Variants in MCCC2 observed in about 807,000 individuals in gnomAD.
MCCC2 encodes the protein methylcrotonyl-CoA carboxylase subunit 2.
In MCCC2, 52 loss-of-function variants were observed where a neutral mutation model predicts 77.2. That is an observed-to-expected ratio of 0.67 (90% CI 0.54 to 0.85). The LOEUF is 0.85. MCCC2 is among the 40% of genes least tolerant of loss of function. The pLI is 0.00. For synonymous variants in MCCC2, 253 were observed against 248.4 expected (o/e 1.02, Z -0.18); for missense variants, 682 against 703.2 (o/e 0.97, Z 0.34).
intron 3 of MCCC2, 100 bp from the exon 4 acceptor site, chr5:71,599,559 T>G: frequency 1.1e-6 from 1 of 876,718 alleles, no homozygotes; most frequent in Non-Finnish European, 1.9e-6. Flanking sequence ...TTTGAAATAT[T>G]GTCCCATTGA....
At chr5:71,620,497 G>T (rs879501842) in intron 6 of MCCC2, among the ~76,000 whole-genome samples, 6 of 152,048 alleles carry the variant, frequency 3.9e-5, no homozygotes, top group Admixed American at 2.6e-4. Context: ...CTACAATTTT[G>T]CAGGGAGGAA....
At chr5:71,613,035 C>T (rs1427622249) in intron 6 of MCCC2, among the ~76,000 whole-genome samples, 1 of 152,200 alleles carries the variant, frequency 6.6e-6, no homozygotes, top group Non-Finnish European at 1.5e-5. Flanking sequence ...TACCTCCCTC[C>T]CATGTCTGCC....
rs570679275 is a variant in MCCC2 at position 71,588,968 on chromosome 5, T to C, written c.129+1414T>C. On this transcript the variant is annotated intron_variant, in intron 1 of 16. Transcript: ENST00000340941. ...AAAATATTTAAGTAGATAAGTGGCATGATCCTATGGATATGGTAGAATCAT... is the reference window on the plus strand; with the variant it reads ...AAAATATTTAAGTAGATAAGTGGCACGATCCTATGGATATGGTAGAATCAT... 3.3e-5 allele frequency among the ~76,000 whole-genome samples: 5 copies of C among 152,318 alleles called. No individual in the cohort carries two copies. The South Asian group carries it at 1.0e-3, about 32-fold the overall frequency.
At chr5:71,636,843 A>C (rs534481334) in intron 10 of MCCC2, 3 of 150,902 alleles carry the variant, frequency 2.0e-5, no homozygotes, top group East Asian at 4.0e-4. Context: ...TCCCAGGTTC[A>C]AGCGATTCTC....
chr5:71,618,637 C>T (rs1319274145), intron 6 of MCCC2, among the ~76,000 whole-genome samples: 1 of 151,860 alleles, frequency 6.6e-6, no homozygotes, highest in Admixed American at 6.6e-5. Context: ...CCTCCCACCT[C>T]AGCTTCCCAA....
intron 6 of MCCC2, among the ~76,000 whole-genome samples, chr5:71,614,104 C>T (rs1050372247): frequency 1.5e-4 from 22 of 149,100 alleles, no homozygotes; most frequent in African/African-American, 3.5e-4. Flanking sequence ...TTTCTATTTC[C>T]CTTAAATAGG....
Position 71,599,760 on chromosome 5 carries a change from G to C in MCCC2, c.383G>C (p.Gly128Ala). 6.2e-7 allele frequency: 1 copy of C among 1,611,828 alleles called. No homozygotes were observed. The highest frequency in any genetic ancestry group is 8.5e-7 in the Non-Finnish European group (1 of 1,177,920). ...GIITGIGRVS[G>A]VECMIIANDA... ...ATTACAGGCATTGGAAGAGTATCAG[G>C]GTGAGTATTCTACTTGTGCTTCATA... Residue 128 changes from glycine (G) to alanine (A), a missense_variant and splice_region_variant, in exon 4 of 17, where the codon GGA becomes GCA. By Grantham distance (60) the Gly-to-Ala change is moderately conservative (BLOSUM62 0). Coordinates refer to ENST00000340941, the MANE Select transcript of MCCC2 (RefSeq NM_022132.5).
At chr5:71,590,574 T>C (rs898648496) in intron 1 of MCCC2, among the ~76,000 whole-genome samples, 6 of 152,182 alleles carry the variant, frequency 3.9e-5, no homozygotes, top group African/African-American at 1.4e-4. Context: ...CCTAGCGCTT[T>C]GGGAGGCCGA....
At chr5:71,593,091 T>A (rs13173723) in intron 2 of MCCC2, 99 bp downstream of exon 2, 38,555 of 430,962 alleles carry the variant, frequency 0.089, 82 homozygotes, top group East Asian at 0.2. Context: ...CTTTTGATAT[T>A]TTTTTTTTTT....
At chr5:71,611,811 T>G (rs1580295346) in intron 6 of MCCC2, among the ~76,000 whole-genome samples, 1 of 150,534 alleles carries the variant, frequency 6.6e-6, no homozygotes, top group East Asian at 1.9e-4. Flanking sequence ...TTTTTTGAGA[T>G]GGAGTCTTGC....
chr5:71,646,298 G>T, intron 13 of MCCC2, 21 bp downstream of exon 13: 3 of 1,609,240 alleles, frequency 1.9e-6, no homozygotes, highest in Non-Finnish European at 2.6e-6. Context: ...AGCTTAATCA[G>T]TTTGGTTGTA....
At chr5:71,596,133 G>A (rs1745177411) in intron 2 of MCCC2, 147 bp from the exon 3 acceptor site, 1 of 738,916 alleles carries the variant, frequency 1.4e-6, no homozygotes, top group Non-Finnish European at 2.3e-6. Context: ...CAACTTGTAA[G>A]TTGAGTGAAT....
intron 15 of MCCC2, among the ~76,000 whole-genome samples, chr5:71,651,363 C>CCCT: frequency 6.6e-6 from 1 of 152,174 alleles, no homozygotes; most frequent in African/African-American, 2.4e-5. Flanking sequence ...GATCAGCAAG[C>CCCT]GGCTGCTTTT....
At chr5:71,642,748 G>C (rs1747161362) in intron 11 of MCCC2, among the ~76,000 whole-genome samples, 1 of 152,212 alleles carries the variant, frequency 6.6e-6, no homozygotes, top group Non-Finnish European at 1.5e-5. Context: ...GTGCCATTTA[G>C]GATGTACTGC....
chr5:71,612,065 A>G (rs1295915597), intron 6 of MCCC2, among the ~76,000 whole-genome samples: 1 of 152,030 alleles, frequency 6.6e-6, no homozygotes, highest in African/African-American at 2.4e-5. Flanking sequence ...CGGCCTCCCA[A>G]AGTGCTGGGA....
At chr5:71,597,367 T>G (rs761171589) in intron 3 of MCCC2, among the ~76,000 whole-genome samples, 1 of 152,136 alleles carries the variant, frequency 6.6e-6, no homozygotes, top group Non-Finnish European at 1.5e-5. Context: ...GGGGAGCTAT[T>G]GTAGGGTTTT....
intron 6 of MCCC2, among the ~76,000 whole-genome samples, chr5:71,621,796 A>G (rs890553551): frequency 6.6e-5 from 10 of 152,222 alleles, no homozygotes; most frequent in Non-Finnish European, 1.3e-4. Flanking sequence ...GATACAAAAA[A>G]AAAAAGAAAG....
At chr5:71,614,643 C>G (rs1450526049) in intron 6 of MCCC2, among the ~76,000 whole-genome samples, 1 of 151,948 alleles carries the variant, frequency 6.6e-6, no homozygotes, top group Non-Finnish European at 1.5e-5. Context: ...GCCATCATGC[C>G]CAGCTAATTT....
At chr5:71,592,836 C>CTG in intron 1 of MCCC2, 90 bp from the exon 2 acceptor site, 1 of 983,302 alleles carries the variant, frequency 1.0e-6, no homozygotes. Context: ...GCACAGACCA[C>CTG]TGTTTTTTTT....
Sources: gnomAD v4.1 joint callset for allele counts (sites outside exome capture counted in the v4.1 genomes callset) on GRCh38, gnomAD v4.1.1 for gene constraint, MANE v1.5 for transcripts, NCBI Gene and HGNC (gene_info 2026-07-23, HGNC 2026-07-21) for gene names.